Variants in DLGAP1 observed in about 807,000 individuals in gnomAD.
DLGAP1 encodes the protein DLG associated protein 1, also known as disks large-associated protein 1.
In DLGAP1, 11 loss-of-function variants were observed where a neutral mutation model predicts 90.8. The observed-to-expected ratio is 0.12, with a 90% CI of 0.08 to 0.20. DLGAP1 has a LOEUF of 0.20. Ranked by LOEUF, DLGAP1 falls within the 10% of genes least tolerant of loss-of-function variation. DLGAP1 has a pLI of 1.00. For missense variants in DLGAP1, 1,050 were observed against 1,333.8 expected (o/e 0.79, Z 3.31); for synonymous variants, 558 against 540.7 (o/e 1.03, Z -0.44).
chr18:4,229,116 T>G (rs2078249072), intron 1 of DLGAP1, among the ~76,000 whole-genome samples: 1 of 151,770 alleles, frequency 6.6e-6, no homozygotes, highest in South Asian at 2.1e-4. Flanking sequence ...TACCTAGAAA[T>G]TAACTTAACC....
chr18:4,269,020 T>C (rs1414265188), intron 1 of DLGAP1, among the ~76,000 whole-genome samples: 1 of 152,022 alleles, frequency 6.6e-6, no homozygotes, highest in Non-Finnish European at 1.5e-5. Context: ...AAAGCCAAAA[T>C]GTAAATGTCA....
intron 1 of DLGAP1, among the ~76,000 whole-genome samples, chr18:4,260,281 C>G (rs1004360276): frequency 4.6e-5 from 7 of 152,092 alleles, no homozygotes; most frequent in Admixed American, 4.6e-4. Context: ...AAAGGCAAAG[C>G]TTTTTAATAG....
chr18:3,693,970 A>T (rs1216772977), intron 7 of DLGAP1, among the ~76,000 whole-genome samples: 1 of 152,020 alleles, frequency 6.6e-6, no homozygotes, highest in Non-Finnish European at 1.5e-5. Context: ...CATGGTGGTT[A>T]GCTGCACCCA....
At chr18:3,772,181 C>A in intron 5 of DLGAP1, among the ~76,000 whole-genome samples, 1 of 146,004 alleles carries the variant, frequency 6.8e-6, no homozygotes, top group Non-Finnish European at 1.5e-5. Flanking sequence ...TCCTTTCTCT[C>A]CTTCCTTCCT....
chr18:3,589,061 G>A lies in DLGAP1; in HGVS notation c.1592-6813C>T, dbSNP rs187115392. Among the ~76,000 whole-genome samples, 17 of 151,996 alleles carry A rather than the reference G, an allele frequency of 1.1e-4. No individual in the cohort carries two copies. The East Asian group carries it at 3.3e-3, about 30-fold the overall frequency. ...AAATTAACCCAGCGTGGTGGCAGGC[G>A]CCTGTAATCCCAGCTATTTGGGAGG... On this transcript the variant is annotated intron_variant, in intron 7 of 12. Coordinates refer to ENST00000315677, the MANE Select transcript of DLGAP1 (RefSeq NM_004746.4).
chr18:4,287,191 G>A (rs1290191095), intron 1 of DLGAP1, among the ~76,000 whole-genome samples: 1 of 152,126 alleles, frequency 6.6e-6, no homozygotes, highest in African/African-American at 2.4e-5. Context: ...GAGAATAAAT[G>A]ATTTGTTATC....
chr18:4,401,183 G>T (rs2082546702), intron 1 of DLGAP1, among the ~76,000 whole-genome samples: 1 of 152,146 alleles, frequency 6.6e-6, no homozygotes, highest in Non-Finnish European at 1.5e-5. Flanking sequence ...GTTAGAGGTG[G>T]AGCCAAACCA....
rs1005531253 is a variant in DLGAP1 at position 3,727,463 on chromosome 18, G to T, written c.1591+1672C>A. 1.3e-5 allele frequency among the ~76,000 whole-genome samples: 2 copies of T among 152,152 alleles called. No homozygotes were observed. Among genetic ancestry groups the T allele is most frequent in the African/African-American group, 4.8e-5 (2 of 41,418 alleles). On this transcript the variant is annotated intron_variant, in intron 7 of 12. Coordinates refer to ENST00000315677, the MANE Select transcript of DLGAP1 (RefSeq NM_004746.4). This position sits in a 1 kb window ranked among gnomAD's most constrained non-coding sequence, Gnocchi z 4.7. ...CCCTTTCCTTCCCGACTGTTCTCCT[G>T]AGAGCACCCCTTGTGACTTCTGGGC...
chr18:4,039,042 T>TTACTCTAGAG, intron 2 of DLGAP1, among the ~76,000 whole-genome samples: 1 of 152,114 alleles, frequency 6.6e-6, no homozygotes, highest in African/African-American at 2.4e-5. Flanking sequence ...AAAAAGAGGG[T>TTACTCTAGAG]TAACTTGATC....
chr18:3,713,363 A>G lies in DLGAP1; in HGVS notation c.1591+15772T>C, dbSNP rs544136174. ...GAATGATAAGAATGAGGACAAGGTC[A>G]ATCCAAGATGGATGGCGTTGAAGGC... On this transcript the variant is annotated intron_variant, in intron 7 of 12. Coordinates refer to ENST00000315677, the MANE Select transcript of DLGAP1 (RefSeq NM_004746.4). Among the ~76,000 whole-genome samples the G allele has an allele frequency of 3.9e-5, 6 of 152,374 alleles. No individual in the cohort carries two copies. In the South Asian group the frequency reaches 1.2e-3, roughly 32 times the overall value.
At chr18:4,432,488 T>TTTAA (rs1555617976) in intron 1 of DLGAP1, among the ~76,000 whole-genome samples, 1 of 151,366 alleles carries the variant, frequency 6.6e-6, no homozygotes. Flanking sequence ...AAATAAATTT[T>TTTAA]TTTAAAAATT....
intron 1 of DLGAP1, among the ~76,000 whole-genome samples, chr18:4,258,451 T>G (rs147719834): frequency 7.2e-5 from 11 of 152,214 alleles, no homozygotes; most frequent in African/African-American, 2.6e-4. Flanking sequence ...AGTCACGTTT[T>G]GTTTTATATC....
chr18:3,793,433 C>A (rs2065838449), intron 5 of DLGAP1, among the ~76,000 whole-genome samples: 1 of 152,192 alleles, frequency 6.6e-6, no homozygotes, highest in South Asian at 2.1e-4. Flanking sequence ...GCTCCTCCAC[C>A]CAAGGCTGTC....
At chr18:4,407,882 A>G (rs2082696675) in intron 1 of DLGAP1, among the ~76,000 whole-genome samples, 1 of 62,848 alleles carries the variant, frequency 1.6e-5, no homozygotes, top group Non-Finnish European at 2.7e-5. Flanking sequence ...ATAAATAAAT[A>G]AATAAATATA....
chr18:3,874,775 T>C, intron 4 of DLGAP1: 1 of 1,411,592 alleles, frequency 7.1e-7, no homozygotes, highest in Non-Finnish European at 9.2e-7. Flanking sequence ...AGCAGACATC[T>C]GATTCTTGAC....
At chr18:3,675,551 C>G (rs1439805113) in intron 7 of DLGAP1, among the ~76,000 whole-genome samples, 1 of 152,204 alleles carries the variant, frequency 6.6e-6, no homozygotes, top group Admixed American at 6.5e-5. Flanking sequence ...CTCCAAAGAT[C>G]TGTTGCTAAT....
chr18:3,782,711 A>G (rs1352474672), intron 5 of DLGAP1, among the ~76,000 whole-genome samples: 2 of 152,222 alleles, frequency 1.3e-5, no homozygotes, highest in African/African-American at 4.8e-5. Flanking sequence ...TTTAAATAAG[A>G]ACGTGACTTC....
intron 4 of DLGAP1, among the ~76,000 whole-genome samples, chr18:3,852,256 T>G (rs1037069591): frequency 6.6e-6 from 1 of 152,054 alleles, no homozygotes; most frequent in African/African-American, 2.4e-5. Flanking sequence ...CCAGAAAAAT[T>G]TTTGAAAAGA....
intron 1 of DLGAP1, among the ~76,000 whole-genome samples, chr18:4,365,205 C>T (rs943687747): frequency 5.3e-5 from 8 of 152,064 alleles, no homozygotes; most frequent in African/African-American, 1.2e-4. Context: ...GGTAAAGCAA[C>T]GCTAAGAGAA....
Sources: allele counts gnomAD v4.1 joint callset (sites outside exome capture counted in the v4.1 genomes callset), GRCh38; gene constraint gnomAD v4.1.1; non-coding constraint Gnocchi (gnomAD v3.1); transcripts MANE v1.5; gene names NCBI Gene and HGNC (gene_info 2026-07-23, HGNC 2026-07-21).